The following STAG1 variants were observed in gnomAD, a reference collection of about 807,000 sequenced individuals.
The protein encoded by STAG1 is STAG1 cohesin complex component.
In STAG1, 26 loss-of-function variants were observed where a neutral mutation model predicts 170.9. The observed-to-expected ratio is 0.15, with a 90% confidence interval of 0.11 to 0.21. STAG1 has a LOEUF of 0.21. STAG1 is among the 10% of genes least tolerant of loss of function. The pLI is 1.00. For synonymous variants in STAG1, 514 were observed against 497.7 expected, an observed-to-expected ratio of 1.03 and a Z score of -0.44; for missense variants, 964 against 1,509.5, an observed-to-expected ratio of 0.64 and a Z score of 5.99.
chr3:136,435,996 C>T lies in STAG1; in HGVS notation c.1547-2337G>A, dbSNP rs139641117. 4.2e-3 allele frequency among the ~76,000 whole-genome samples: 632 copies of T among 152,168 alleles called. 5 individuals are homozygous for T. The highest frequency in any genetic ancestry group is 0.015 in the African/African-American group (602 of 41,498). ...TTTTTTTGAGACAGTCTTGCTCCAT[C>T]GCCCAGGCCAGAAGGCAATGGCGTG... On this transcript the variant is annotated intron_variant, in intron 15 of 33. Coordinates refer to ENST00000383202, the MANE Select transcript of STAG1 (RefSeq NM_005862.3).
chr3:136,405,231 CTT>C (rs554475207), intron 21 of STAG1, among the ~76,000 whole-genome samples: 765 of 60,696 alleles, frequency 0.013, 7 homozygotes, highest in African/African-American at 0.03. Context: ...GAAAAAACCT[CTT>C]TTTTTTTTTT....
chr3:136,693,404 G>GA (rs376542276), intron 1 of STAG1, among the ~76,000 whole-genome samples: 18 of 152,234 alleles, frequency 1.2e-4, no homozygotes, highest in African/African-American at 3.9e-4. Context: ...AAAGGACTGG[G>GA]AAAAACCCCA....
At chr3:136,569,810 T>C (rs1165825302) in intron 4 of STAG1, among the ~76,000 whole-genome samples, 1 of 152,082 alleles carries the variant, frequency 6.6e-6, no homozygotes, top group African/African-American at 2.4e-5. Flanking sequence ...TCTAAGAGAA[T>C]TTTTAATAAG....
rs1070229 is a variant in STAG1 at position 136,527,255 on chromosome 3, A to T, written c.472-5838T>A. Among the ~76,000 whole-genome samples the T allele has an allele frequency of 6.4e-3, 970 of 152,308 alleles. 7 individuals are homozygous for T. Among genetic ancestry groups the T allele is most frequent in the Non-Finnish European group, 9.5e-3 (647 of 68,034 alleles). On this transcript the variant is annotated intron_variant, in intron 6 of 33. Coordinates refer to ENST00000383202, the MANE Select transcript of STAG1 (RefSeq NM_005862.3). ...CAATCAGATGTAGATTTGGTCTTTC[A>T]CCATAGTCCCATATTTCTTGGAGGC...
rs560374921 is a variant in STAG1, at chr3:136,356,583, C to T, written c.3065+1137G>A. On this transcript the variant is annotated intron_variant, in intron 28 of 33. Coordinates refer to ENST00000383202, the MANE Select transcript of STAG1 (RefSeq NM_005862.3). ...TTTTTATAGAGATGGGGTCTTGCTACGTTGCCAGGACTGGTCTTGAACTCC... is the reference window on the plus strand; with the variant it reads ...TTTTTATAGAGATGGGGTCTTGCTATGTTGCCAGGACTGGTCTTGAACTCC... Among the ~76,000 whole-genome samples, 26 of 152,062 alleles carry T rather than the reference C, an allele frequency of 1.7e-4. 2 individuals are homozygous for T. In the South Asian group the frequency reaches 4.8e-3, roughly 28 times the overall value.
intron 28 of STAG1, among the ~76,000 whole-genome samples, chr3:136,354,353 C>T (rs555432343): frequency 6.6e-6 from 1 of 152,272 alleles, no homozygotes; most frequent in Non-Finnish European, 1.5e-5. Context: ...AGTGCAGTGG[C>T]ACGATATTGG....
At chr3:136,502,136 C>T (rs1933513270) in intron 8 of STAG1, among the ~76,000 whole-genome samples, 1 of 151,922 alleles carries the variant, frequency 6.6e-6, no homozygotes, top group Admixed American at 6.6e-5. Context: ...TGAGATCGCA[C>T]CATTGCACTC....
chr3:136,369,175 T>A lies in STAG1; in HGVS notation c.2478A>T (p.Gln826His). Reference sequence around the variant, plus strand: ...CCATCACAAAACTGAGGAGTTCAGATTGGAGTCCAGTATCTGGATTGAACA... The same window carrying A: ...CCATCACAAAACTGAGGAGTTCAGAATGGAGTCCAGTATCTGGATTGAACA... ...PLVFNPDTGL[Q>H]SELLSFVMDH... The change falls in exon 24 of 34, where the codon CAA becomes CAT. Residue 826 changes from glutamine to histidine, a missense_variant. By Grantham distance (24) the Gln-to-His change is conservative. Coordinates refer to ENST00000383202, the MANE Select transcript of STAG1 (RefSeq NM_005862.3). 6.2e-7 allele frequency: 1 copy of A among 1,603,122 alleles called. No homozygotes were observed. Among genetic ancestry groups the A allele is most frequent in the Non-Finnish European group, 8.5e-7 (1 of 1,176,942 alleles).
At chr3:136,714,224 C>G (rs965001083) in intron 1 of STAG1, among the ~76,000 whole-genome samples, 4 of 152,034 alleles carry the variant, frequency 2.6e-5, no homozygotes, top group African/African-American at 9.7e-5. Context: ...GTAATTTCAT[C>G]TATGTGAAGC....
At chr3:136,523,566 T>A (rs954199347) in intron 6 of STAG1, among the ~76,000 whole-genome samples, 1 of 152,220 alleles carries the variant, frequency 6.6e-6, no homozygotes, top group Non-Finnish European at 1.5e-5. Flanking sequence ...CTGATGGTAG[T>A]TTCTTTTGCT....
intron 2 of STAG1, 71 bp from the exon 3 acceptor site, chr3:136,623,319 T>C (rs1036192030): frequency 2.9e-6 from 4 of 1,362,630 alleles, no homozygotes; most frequent in East Asian, 4.8e-5. Context: ...CTACTTTCCT[T>C]ACCACCTGCT....
Position 136,521,368 on chromosome 3 carries a change from A to G in STAG1, c.521T>C (p.Phe174Ser). ...AATAAATTCACAAAAGTTTGAACGA[A>G]ATTTTTTCCACTGAGGTCCAGGCAT... is the stretch of plus-strand genomic sequence containing the variant. ...LTMPGPQWKK[F>S]RSNFCEFIGV... Residue 174 changes from phenylalanine to serine, a missense_variant, in exon 7 of 34, where the codon TTT becomes TCT. Physicochemically the swap from Phe to Ser is radical, Grantham distance 155. Transcript: ENST00000383202. 1 of 1,613,664 alleles carries G rather than the reference A, an allele frequency of 6.2e-7. No individual in the cohort carries two copies. Among genetic ancestry groups the G allele is most frequent in the Middle Eastern group, 1.7e-4 (1 of 6,056 alleles).
At chr3:136,626,743 T>C (rs1559917519) in intron 2 of STAG1, among the ~76,000 whole-genome samples, 2 of 152,212 alleles carry the variant, frequency 1.3e-5, no homozygotes, top group African/African-American at 4.8e-5. Context: ...AGTTTACATA[T>C]GTTATCTATA....
At chr3:136,441,096 G>C (rs1244112974) in intron 15 of STAG1, among the ~76,000 whole-genome samples, 2 of 145,838 alleles carry the variant, frequency 1.4e-5, no homozygotes, top group Admixed American at 1.4e-4. Flanking sequence ...GAATCGGCGA[G>C]ATCTCAGCTC....
Position 136,539,224 on chromosome 3 carries a change from C to T in STAG1, c.471+2895G>A, listed in dbSNP as rs550671352. Among the ~76,000 whole-genome samples the T allele has an allele frequency of 3.0e-4, 46 of 152,136 alleles. No homozygotes were observed. The South Asian group carries it at 9.1e-3, about 30-fold the overall frequency. ...GGACTGGAGATAATTTGAGCTTTCCCCTATCATATCCGTAATATTTCCTTT... is the reference window on the plus strand; with the variant it reads ...GGACTGGAGATAATTTGAGCTTTCCTCTATCATATCCGTAATATTTCCTTT... On this transcript the variant is annotated intron_variant, in intron 6 of 33. Coordinates refer to ENST00000383202, the MANE Select transcript of STAG1 (RefSeq NM_005862.3).
chr3:136,340,143 A>G lies in STAG1; in HGVS notation c.3672+348T>C, dbSNP rs557903446. Reference sequence around the variant, plus strand: ...CACCCTTCCTCCCAGAATTCTGAGAATAAGAGGATAATTTTTTTTTGTTTT... The same window carrying G: ...CACCCTTCCTCCCAGAATTCTGAGAGTAAGAGGATAATTTTTTTTTGTTTT... On this transcript the variant is annotated intron_variant, in intron 32 of 33. Coordinates refer to ENST00000383202, the MANE Select transcript of STAG1 (RefSeq NM_005862.3). Among the ~76,000 whole-genome samples the G allele has an allele frequency of 1.9e-4, 29 of 152,256 alleles. 1 individual carries two copies. The highest frequency in any genetic ancestry group is 6.8e-3 in the Middle Eastern group (2 of 294).
Position 136,338,363 on chromosome 3 carries a change from C to T in STAG1, c.3753+7G>A, listed in dbSNP as rs1194869720. 3.1e-6 allele frequency: 5 copies of T among 1,608,618 alleles called. No individual in the cohort carries two copies. The highest frequency in any genetic ancestry group is 4.3e-6 in the Non-Finnish European group (5 of 1,175,230). The stretch of plus-strand genomic sequence containing the variant: ...TAAATAAAAAGCAGTAATAATTTGA[C>T]ATTTACTGAATCATCTTCTATGATA... On this transcript the variant is annotated splice_region_variant and intron_variant, in intron 33 of 33. Transcript: ENST00000383202.
At chr3:136,424,700 GA>G (rs1488495046) in intron 16 of STAG1, among the ~76,000 whole-genome samples, 2 of 151,952 alleles carry the variant, frequency 1.3e-5, no homozygotes, top group African/African-American at 4.8e-5. Context: ...CCTCTGAGGG[GA>G]TAACAAAAAT....
At chr3:136,552,508 A>C (rs1936447163) in intron 5 of STAG1, among the ~76,000 whole-genome samples, 1 of 152,202 alleles carries the variant, frequency 6.6e-6, no homozygotes, top group Non-Finnish European at 1.5e-5. Flanking sequence ...GAGGACAATA[A>C]ATAAAAGCAG....
Sources: allele counts gnomAD v4.1 joint callset (sites outside exome capture counted in the v4.1 genomes callset), GRCh38; gene constraint gnomAD v4.1.1; transcripts MANE v1.5; gene names NCBI Gene and HGNC (gene_info 2026-07-23, HGNC 2026-07-21).